Variants in RAB3IL1 observed in about 807,000 individuals in gnomAD.
The protein encoded by RAB3IL1 is RAB3A interacting protein like 1, also known as guanine nucleotide exchange factor for Rab-3A.
In RAB3IL1, 37 loss-of-function variants were observed where a neutral mutation model predicts 49.2. That is an observed-to-expected ratio of 0.75 (90% CI 0.58 to 0.99). The LOEUF (loss-of-function observed/expected upper bound fraction) is 0.99. Among genes scored for constraint, RAB3IL1 ranks in the 50% least tolerant of loss-of-function variants. The pLI, the probability that RAB3IL1 is intolerant of heterozygous loss-of-function variation, is 0.00. For missense variants in RAB3IL1, 484 were observed against 513.0 expected (o/e 0.94, Z 0.55); for synonymous variants, 193 against 213.9 (o/e 0.90, Z 0.85).
upstream of RAB3IL1, chr11:61,917,610 C>T: frequency 9.7e-7 from 1 of 1,031,600 alleles, no homozygotes; most frequent in Non-Finnish European, 1.2e-6. Flanking sequence ...CCCGGCCCCG[C>T]CCCTCCGCCG....
At chr11:61,919,028 C>A (rs1939825047), upstream of RAB3IL1, among the ~76,000 whole-genome samples, 1 of 152,152 alleles carries the variant, frequency 6.6e-6, no homozygotes, top group Non-Finnish European at 1.5e-5. Flanking sequence ...TGGCTTGAAT[C>A]CCTCATCAGT....
chr11:61,905,463 G>A (rs913352569), intron 5 of RAB3IL1, among the ~76,000 whole-genome samples: 6 of 152,170 alleles, frequency 3.9e-5, no homozygotes, highest in Non-Finnish European at 8.8e-5. Flanking sequence ...CGGCCAGGCC[G>A]GCTCGTAGGT....
the RAB3IL1 span, among the ~76,000 whole-genome samples, chr11:61,939,432 C>T: frequency 1.3e-5 from 2 of 151,908 alleles, no homozygotes; most frequent in Non-Finnish European, 2.9e-5. Context: ...GAAAGATCTC[C>T]AATTAATAAC....
the RAB3IL1 span, among the ~76,000 whole-genome samples, chr11:61,931,550 T>C: frequency 2.3e-4 from 35 of 152,048 alleles, no homozygotes; most frequent in African/African-American, 8.0e-4. Context: ...GGAGAACCTC[T>C]ACCTTAAGAG....
chr11:61,944,150 G>A, the RAB3IL1 span, among the ~76,000 whole-genome samples: 3 of 150,972 alleles, frequency 2.0e-5, no homozygotes, highest in South Asian at 6.3e-4. Context: ...TAAAAAAGAC[G>A]ACCTACAGAA....
rs768424020 is a variant in RAB3IL1, at chr11:61,899,323, G to A, written c.1057C>T (p.Arg353Trp). 6.8e-6 allele frequency: 11 copies of A among 1,606,856 alleles called. No individual in the cohort carries two copies. The highest frequency in any genetic ancestry group is 2.2e-5 in the East Asian group (1 of 44,878). ...YIRYIQQGLVRQDAEPMFWEI... is the reference protein window; with the variant it reads ...YIRYIQQGLVWQDAEPMFWEI... Reference sequence around the variant, plus strand: ...ACCAGGGGGCGCTCACCGTCCTGCCGCACCAGGCCTTGCTGGATGTAGCGG... The same window carrying A: ...ACCAGGGGGCGCTCACCGTCCTGCCACACCAGGCCTTGCTGGATGTAGCGG... Residue 353 changes from arginine to tryptophan, a missense_variant, in exon 9 of 10, where the codon CGG becomes TGG. By Grantham distance (101) the Arg-to-Trp change is moderately radical (BLOSUM62 -3). Transcript: ENST00000394836.
chr11:61,932,663 A>G, the RAB3IL1 span, among the ~76,000 whole-genome samples: 1 of 152,228 alleles, frequency 6.6e-6, no homozygotes, highest in African/African-American at 2.4e-5. Flanking sequence ...CATAAATAAA[A>G]GAGAAATCAA....
At chr11:61,918,827 C>G (rs1939818716), upstream of RAB3IL1, among the ~76,000 whole-genome samples, 1 of 152,242 alleles carries the variant, frequency 6.6e-6, no homozygotes, top group South Asian at 2.1e-4. Flanking sequence ...TTCTCCATAG[C>G]ATCCCTTCCA....
At chr11:61,922,964 G>A (rs1939938993), upstream of RAB3IL1, among the ~76,000 whole-genome samples, 1 of 152,250 alleles carries the variant, frequency 6.6e-6, no homozygotes. Flanking sequence ...AAGGGTGGGG[G>A]TCTCCCCATC....
At chr11:61,901,896 C>T (rs772238441) in intron 8 of RAB3IL1, among the ~76,000 whole-genome samples, 2 of 152,192 alleles carry the variant, frequency 1.3e-5, no homozygotes, top group African/African-American at 2.4e-5. Context: ...TGGGGAACTG[C>T]GCTATTTTAA....
At chr11:61,910,476 A>G (rs1192889697) in intron 1 of RAB3IL1, among the ~76,000 whole-genome samples, 1 of 152,152 alleles carries the variant, frequency 6.6e-6, no homozygotes, top group African/African-American at 2.4e-5. Context: ...TGGGGTACAC[A>G]TGAGCCCCTG....
the RAB3IL1 span, among the ~76,000 whole-genome samples, chr11:61,936,804 T>G: frequency 6.6e-6 from 1 of 152,208 alleles, no homozygotes; most frequent in African/African-American, 2.4e-5. Flanking sequence ...AGGATTAAGA[T>G]TTCTATATCT....
the RAB3IL1 span, among the ~76,000 whole-genome samples, chr11:61,932,277 G>C: frequency 2.0e-4 from 30 of 151,680 alleles, no homozygotes; most frequent in South Asian, 6.3e-3. Context: ...GAAAATGAAG[G>C]GGGTAAAGCA....
chr11:61,903,246 T>G (rs1077367), intron 7 of RAB3IL1, among the ~76,000 whole-genome samples: 145,790 of 151,988 alleles, frequency 0.96, 70,218 homozygotes, highest in East Asian at 1. Context: ...ACAGCAGCAG[T>G]ACTTTTGGCC....
At chr11:61,900,164 C>T (rs999392236) in intron 8 of RAB3IL1, among the ~76,000 whole-genome samples, 1 of 152,238 alleles carries the variant, frequency 6.6e-6, no homozygotes, top group Non-Finnish European at 1.5e-5. Context: ...GTGGAATCAA[C>T]TCTGCTAAGA....
upstream of RAB3IL1, among the ~76,000 whole-genome samples, chr11:61,924,877 C>T (rs551901226): frequency 1.9e-4 from 29 of 152,304 alleles, no homozygotes; most frequent in Admixed American, 1.3e-3. Context: ...AACCTGTTCA[C>T]CCGCTCTCAA....
At chr11:61,928,291 C>G in the RAB3IL1 span, among the ~76,000 whole-genome samples, 1 of 152,116 alleles carries the variant, frequency 6.6e-6, no homozygotes, top group Non-Finnish European at 1.5e-5. Context: ...AAGCTGGGAG[C>G]TTTGGCCAGG....
intron 1 of RAB3IL1, among the ~76,000 whole-genome samples, chr11:61,916,897 A>G (rs1939715703): frequency 6.6e-6 from 1 of 151,770 alleles, no homozygotes; most frequent in Non-Finnish European, 1.5e-5. Flanking sequence ...AGAGCCCCAC[A>G]AGGAGGTTCT....
intron 5 of RAB3IL1, among the ~76,000 whole-genome samples, chr11:61,905,694 G>C (rs1939150698): frequency 6.6e-6 from 1 of 152,212 alleles, no homozygotes; most frequent in Non-Finnish European, 1.5e-5. Flanking sequence ...TGGAGACAGA[G>C]GTGGAAGCCA....
Sources: gnomAD v4.1 joint callset for allele counts (sites outside exome capture counted in the v4.1 genomes callset) on GRCh38, gnomAD v4.1.1 for gene constraint, MANE v1.5 for transcripts, NCBI Gene and HGNC (gene_info 2026-07-23, HGNC 2026-07-21) for gene names.